The following AURKA variants were observed in gnomAD, a reference collection of about 807,000 sequenced individuals.
The protein encoded by AURKA is aurora kinase A, also known as aurora 2.
In AURKA, 12 loss-of-function variants were observed where a neutral mutation model predicts 40.9. That is an observed-to-expected ratio of 0.29 (90% CI 0.19 to 0.48). AURKA has a LOEUF of 0.48. Ranked by LOEUF, AURKA falls within the 20% of genes least tolerant of loss-of-function variation. The pLI is 0.99. For missense variants in AURKA, 322 were observed against 462.1 expected, an observed-to-expected ratio of 0.70 and a Z score of 2.78; for synonymous variants, 170 against 164.3, an observed-to-expected ratio of 1.03 and a Z score of -0.26.
chr20:56,377,715 A>C (rs1291048837), intron 6 of AURKA, among the ~76,000 whole-genome samples: 1 of 152,084 alleles, frequency 6.6e-6, no homozygotes. Flanking sequence ...TGAACCCAAG[A>C]GGCGGAGGTT....
intron 3 of AURKA, among the ~76,000 whole-genome samples, 152 bp downstream of exon 3, chr20:56,386,093 CCATGGGCAGACA>C (rs1161654729): frequency 6.6e-6 from 1 of 152,194 alleles, no homozygotes; most frequent in Non-Finnish European, 1.5e-5. Context: ...TAGGTCTGGC[CCATGGGCAGACA>C]CTGTTACTTC....
chr20:56,379,284 A>G (rs1985377220), intron 6 of AURKA, among the ~76,000 whole-genome samples: 1 of 152,220 alleles, frequency 6.6e-6, no homozygotes, highest in African/African-American at 2.4e-5. Context: ...TTGGAATTGA[A>G]TAAGTAAAAG....
intron 1 of AURKA, among the ~76,000 whole-genome samples, chr20:56,388,978 C>G (rs1165177636): frequency 6.6e-6 from 1 of 152,182 alleles, no homozygotes; most frequent in Non-Finnish European, 1.5e-5. Context: ...TTGTCTCCAC[C>G]ACATTGTCAG....
At chr20:56,374,873 C>A (rs1984720329) in intron 6 of AURKA, among the ~76,000 whole-genome samples, 1 of 152,102 alleles carries the variant, frequency 6.6e-6, no homozygotes, top group Non-Finnish European at 1.5e-5. Flanking sequence ...CATGGTGAAA[C>A]CCTGTCTTTA....
At chr20:56,386,592 T>G in intron 2 of AURKA, 59 bp from the exon 3 acceptor site, 1 of 1,596,318 alleles carries the variant, frequency 6.3e-7, no homozygotes, top group South Asian at 1.1e-5. Context: ...ATGAATATAT[T>G]GAGAATTTCA....
chr20:56,375,612 C>A (rs1288952478), intron 6 of AURKA, among the ~76,000 whole-genome samples: 1 of 152,220 alleles, frequency 6.6e-6, no homozygotes, highest in African/African-American at 2.4e-5. Context: ...CCAAATGTCA[C>A]TGTCAGAATA....
At chr20:56,390,374 T>C (rs538231063) in intron 1 of AURKA, among the ~76,000 whole-genome samples, 2 of 151,240 alleles carry the variant, frequency 1.3e-5, no homozygotes, top group East Asian at 3.9e-4. Flanking sequence ...TGGCGCAATC[T>C]CGGCTCACCC....
chr20:56,374,411 G>T (rs558117180), intron 6 of AURKA, among the ~76,000 whole-genome samples: 2 of 152,074 alleles, frequency 1.3e-5, no homozygotes, highest in East Asian at 3.9e-4. Context: ...TGTGACAGAA[G>T]AATTTGTTTA....
intron 1 of AURKA, among the ~76,000 whole-genome samples, chr20:56,391,382 C>T (rs1600721448): frequency 6.6e-6 from 1 of 152,210 alleles, no homozygotes; most frequent in African/African-American, 2.4e-5. Flanking sequence ...GAGGCCTAAC[C>T]CCAGGTCTAA....
rs778075694 is a variant in AURKA, at chr20:56,386,542, G to A, written c.43-9C>T. Reference sequence around the variant, plus strand: ...CCAACTGGAGCTGTAGCCTAGAATGGAAGAGAAAATAAACTTTCTGGCATT... The same window carrying A: ...CCAACTGGAGCTGTAGCCTAGAATGAAAGAGAAAATAAACTTTCTGGCATT... On this transcript the variant is annotated splice_polypyrimidine_tract_variant and intron_variant, in intron 2 of 8. Transcript: ENST00000395915. The A allele has an allele frequency of 6.2e-7, 1 of 1,614,048 alleles. No homozygotes were observed. The highest frequency in any genetic ancestry group is 2.2e-5 in the East Asian group (1 of 44,900).
intron 5 of AURKA, among the ~76,000 whole-genome samples, chr20:56,381,896 T>G (rs1985753797): frequency 6.6e-6 from 1 of 152,044 alleles, no homozygotes; most frequent in Admixed American, 6.6e-5. Flanking sequence ...CCGGGCACAG[T>G]GGCTCACGCC....
At chr20:56,388,075 A>C in intron 2 of AURKA, 81 bp downstream of exon 2, 1 of 79,512 alleles carries the variant, frequency 1.3e-5, no homozygotes. Flanking sequence ...AATCCAAAGT[A>C]AAGGCGGAAA....
At chr20:56,383,349 AC>A (rs1043246909) in intron 4 of AURKA, among the ~76,000 whole-genome samples, 173 bp from the exon 5 acceptor site, 1 of 152,160 alleles carries the variant, frequency 6.6e-6, no homozygotes, top group African/African-American at 2.4e-5. Flanking sequence ...ACGACATGAA[AC>A]CCTGACGTCC....
intron 7 of AURKA, among the ~76,000 whole-genome samples, chr20:56,371,201 G>C (rs994920989): frequency 6.6e-6 from 1 of 152,132 alleles, no homozygotes; most frequent in East Asian, 1.9e-4. Context: ...AGTGGCTCAT[G>C]CCTGTAATGC....
chr20:56,387,643 G>A (rs958325350), intron 2 of AURKA, among the ~76,000 whole-genome samples: 15 of 152,182 alleles, frequency 9.9e-5, no homozygotes, highest in African/African-American at 3.6e-4. Flanking sequence ...CAGCTCAACG[G>A]TATGAGTGCT....
chr20:56,372,600 C>G (rs1984411047), intron 7 of AURKA, among the ~76,000 whole-genome samples: 1 of 149,822 alleles, frequency 6.7e-6, no homozygotes, highest in Admixed American at 6.6e-5. Flanking sequence ...ATTAGAAGTG[C>G]TCTGTAACAA....
Position 56,384,332 on chromosome 20 carries a change from G to C in AURKA, c.320-8C>G. The C allele has an allele frequency of 6.3e-7, 1 of 1,586,274 alleles. No individual in the cohort carries two copies. Among genetic ancestry groups the C allele is most frequent in the Non-Finnish European group, 8.6e-7 (1 of 1,156,632 alleles). On this transcript the variant is annotated splice_region_variant and splice_polypyrimidine_tract_variant and intron_variant, in intron 3 of 8. Transcript: ENST00000395915. ...CCTCCTCAGGATTATTTTCTATATG[G>C]AATAAGTTAAAAACCTGTTTTTAGA...
chr20:56,388,601 CAA>C (rs1468585712), intron 1 of AURKA: 1 of 229,392 alleles, frequency 4.4e-6, no homozygotes, highest in Admixed American at 5.1e-5. Context: ...CACCTGAGGT[CAA>C]GAGTTCGAGA....
chr20:56,383,646 A>G (rs1986011725), intron 4 of AURKA, among the ~76,000 whole-genome samples: 2 of 152,234 alleles, frequency 1.3e-5, no homozygotes. Context: ...ACTGTTACTA[A>G]TGGAAGCGGG....
Sources: gnomAD v4.1 joint callset for allele counts (sites outside exome capture counted in the v4.1 genomes callset) on GRCh38, gnomAD v4.1.1 for gene constraint, MANE v1.5 for transcripts, NCBI Gene and HGNC (gene_info 2026-07-23, HGNC 2026-07-21) for gene names.